CCNH: variants seen among roughly 807,000 people sequenced by gnomAD.
The protein encoded by CCNH is cyclin-H.
Under a neutral mutation model 41.9 loss-of-function variants are expected in CCNH, and 31 were observed. That is an observed-to-expected ratio of 0.74 (90% CI 0.56 to 1.00). The LOEUF (loss-of-function observed/expected upper bound fraction) is 1.00. Among genes scored for constraint, CCNH ranks in the 50% least tolerant of loss-of-function variants. The probability of loss-of-function intolerance (pLI) is 0.00; values close to 1 mark genes in which losing one functional copy is unlikely to be tolerated. For missense variants in CCNH, 362 were observed against 388.4 expected (o/e 0.93, Z 0.57); for synonymous variants, 138 against 136.1 (o/e 1.01, Z -0.10).
chr5:87,372,656 G>C (rs1333361734), downstream of CCNH, among the ~76,000 whole-genome samples: 1 of 152,094 alleles, frequency 6.6e-6, no homozygotes, highest in Non-Finnish European at 1.5e-5. Context: ...CCTATACTTT[G>C]AGATTTGTGG....
chr5:87,373,460 C>A (rs1761097427), downstream of CCNH, among the ~76,000 whole-genome samples: 1 of 152,020 alleles, frequency 6.6e-6, no homozygotes, highest in African/African-American at 2.4e-5. Flanking sequence ...TGGAATCAGT[C>A]CCCCACAGAT....
At chr5:87,377,869 G>A (rs150498466), upstream of CCNH, among the ~76,000 whole-genome samples, 10 of 152,238 alleles carry the variant, frequency 6.6e-5, no homozygotes, top group African/African-American at 2.4e-4. Flanking sequence ...ATATAGATTT[G>A]TCAAGGAATA....
chr5:87,331,017 T>G (rs1213961244), intron 9 of CCNH: 1 of 1,364,628 alleles, frequency 7.3e-7, no homozygotes, highest in Non-Finnish European at 9.6e-7. Flanking sequence ...TGTCTATCTT[T>G]TATTTTTCTA....
rs751218019 is a variant in CCNH, at chr5:87,395,051, T to C, written c.926A>G (p.His309Arg). 115 of 1,610,930 alleles carry C rather than the reference T, an allele frequency of 7.1e-5. No homozygotes were observed. Among genetic ancestry groups the C allele is most frequent in the Non-Finnish European group, 8.3e-5 (98 of 1,177,508 alleles). The change falls in exon 8 of 9, where the codon CAT becomes CGT. Residue 309 changes from histidine (H) to arginine (R), a missense_variant. Physicochemically the swap from His to Arg is conservative, Grantham distance 29. Transcript: ENST00000256897. ...DDDYVSKKSKHEEEEWTDDDL... is the reference protein window; with the variant it reads ...DDDYVSKKSKREEEEWTDDDL... ...CTTTGGAGTAAAACATACCTCCTCATGTTTGGATTTCTTTGAGACGTAATC... is the reference window on the plus strand; with the variant it reads ...CTTTGGAGTAAAACATACCTCCTCACGTTTGGATTTCTTTGAGACGTAATC...
At chr5:87,317,035 A>G (rs1445533330), downstream of CCNH, among the ~76,000 whole-genome samples, 3 of 152,066 alleles carry the variant, frequency 2.0e-5, no homozygotes, top group Non-Finnish European at 4.4e-5. Flanking sequence ...GGCGTGTGCC[A>G]CTACACCCAG....
intron 9 of CCNH, among the ~76,000 whole-genome samples, chr5:87,354,289 G>T (rs2112434509): frequency 6.6e-6 from 1 of 152,182 alleles, no homozygotes; most frequent in African/African-American, 2.4e-5. Flanking sequence ...CAAATTGAAG[G>T]TTTGTGGCAA....
chr5:87,335,314 A>C (rs1264280512), intron 9 of CCNH, among the ~76,000 whole-genome samples: 2 of 151,868 alleles, frequency 1.3e-5, no homozygotes, highest in East Asian at 3.9e-4. Flanking sequence ...TTGAGTTTTG[A>C]GTAAAAATTT....
At chr5:87,361,689 A>G (rs1760104931) in intron 9 of CCNH, among the ~76,000 whole-genome samples, 1 of 152,176 alleles carries the variant, frequency 6.6e-6, no homozygotes, top group African/African-American at 2.4e-5. Flanking sequence ...ATAATGTAAC[A>G]TATGCATTCC....
At chr5:87,365,444 T>G (rs1760443195) in intron 9 of CCNH, among the ~76,000 whole-genome samples, 1 of 152,134 alleles carries the variant, frequency 6.6e-6, no homozygotes, top group South Asian at 2.1e-4. Flanking sequence ...ATTCACAGCT[T>G]CATTATGAAG....
intron 9 of CCNH, among the ~76,000 whole-genome samples, chr5:87,328,062 A>G (rs1020770771): frequency 2.6e-5 from 4 of 152,148 alleles, no homozygotes; most frequent in South Asian, 2.1e-4. Context: ...GTTTAACTAG[A>G]TGACTTATAA....
chr5:87,314,440 A>G, downstream of CCNH, among the ~76,000 whole-genome samples: 1 of 152,228 alleles, frequency 6.6e-6, no homozygotes, highest in East Asian at 1.9e-4. Flanking sequence ...AATAGAGAAC[A>G]TAATGGGTGG....
At chr5:87,399,158 G>T (rs1376350493) in intron 7 of CCNH, among the ~76,000 whole-genome samples, 1 of 152,142 alleles carries the variant, frequency 6.6e-6, no homozygotes, top group Non-Finnish European at 1.5e-5. Context: ...AGAAGTAACA[G>T]AACAGGACAG....
At chr5:87,351,783 G>A (rs952439666) in intron 9 of CCNH, among the ~76,000 whole-genome samples, 3 of 151,646 alleles carry the variant, frequency 2.0e-5, no homozygotes, top group African/African-American at 7.2e-5. Flanking sequence ...TATCTGATTG[G>A]TTGCCACACA....
At chr5:87,330,382 AC>A (rs1254285417) in intron 9 of CCNH, among the ~76,000 whole-genome samples, 2 of 152,170 alleles carry the variant, frequency 1.3e-5, no homozygotes, top group East Asian at 1.9e-4. Context: ...AAGCTGAAGT[AC>A]TATATTATGT....
Position 87,394,421 on chromosome 5 carries a change from G to T in CCNH, c.*25C>A. 1 of 1,609,080 alleles carries T rather than the reference G, an allele frequency of 6.2e-7. No homozygotes were observed. The highest frequency in any genetic ancestry group is 8.5e-7 in the Non-Finnish European group (1 of 1,176,178). Reference sequence around the variant, plus strand: ...GCTTCCTACTTCTCTTGATTAGTTAGCATTGAGAAATCAACTTCAAATGGT... The same window carrying T: ...GCTTCCTACTTCTCTTGATTAGTTATCATTGAGAAATCAACTTCAAATGGT... On this transcript the variant is annotated 3_prime_UTR_variant, in exon 9 of 9. Coordinates refer to ENST00000256897, the MANE Select transcript of CCNH (RefSeq NM_001239.4).
At position 87,409,662 on chromosome 5, in the gene CCNH, G is replaced by GTA. The variant is rs1334861136; in HGVS notation, c.241-301_241-300dup. 1.5e-4 allele frequency among the ~76,000 whole-genome samples: 23 copies of GTA among 150,504 alleles called. No individual in the cohort carries two copies. The South Asian group carries it at 3.1e-3, about 21-fold the overall frequency. ...TGTGTGTGTGTGTGTGTGTGTGTGT[G>GTA]TATTAGAAATCAGACTATCAAAAAT... On this transcript the variant is annotated intron_variant, in intron 2 of 8. Transcript: ENST00000256897.
intron 9 of CCNH, among the ~76,000 whole-genome samples, chr5:87,355,034 A>G (rs1759548602): frequency 6.6e-6 from 1 of 152,166 alleles, no homozygotes; most frequent in African/African-American, 2.4e-5. Flanking sequence ...CATAAGATTT[A>G]AGGAAAGATG....
chr5:87,387,639 T>A (rs569218229), downstream of CCNH, among the ~76,000 whole-genome samples: 1 of 152,206 alleles, frequency 6.6e-6, no homozygotes, highest in African/African-American at 2.4e-5. Flanking sequence ...GATTGAGGTG[T>A]CCATGTTCTG....
At chr5:87,345,793 G>C (rs781033116) in intron 9 of CCNH, among the ~76,000 whole-genome samples, 6 of 151,984 alleles carry the variant, frequency 3.9e-5, no homozygotes, top group Non-Finnish European at 7.4e-5. Flanking sequence ...TTTCTAGCTT[G>C]CTCTTTATTA....
Sources: allele counts gnomAD v4.1 joint callset (sites outside exome capture counted in the v4.1 genomes callset), GRCh38; gene constraint gnomAD v4.1.1; transcripts MANE v1.5; gene names NCBI Gene and HGNC (gene_info 2026-07-23, HGNC 2026-07-21).